The following EML5 variants were observed in gnomAD, a reference collection of about 807,000 sequenced individuals.
EML5 encodes echinoderm microtubule-associated protein-like 5.
EML5 carries 120 observed loss-of-function variants against 250.0 expected under a neutral mutation model. The ratio of observed to expected loss-of-function variants is 0.48; its 90% CI spans 0.41 to 0.56. The LOEUF (loss-of-function observed/expected upper bound fraction) is 0.56. EML5 is among the 20% of genes least tolerant of loss of function. The pLI is 0.00. For synonymous variants in EML5, 771 were observed against 806.5 expected, an observed-to-expected ratio of 0.96 and a Z score of 0.75; for missense variants, 2,006 against 2,437.6, an observed-to-expected ratio of 0.82 and a Z score of 3.73.
rs202053644 is a variant in EML5, at chr14:88,720,280, AT to A, written c.1188-5086del. Among the ~76,000 whole-genome samples the A allele has an allele frequency of 4.6e-5, 7 of 152,324 alleles. No homozygotes were observed. In the East Asian group the frequency reaches 1.4e-3, roughly 29 times the overall value. The stretch of plus-strand genomic sequence containing the variant: ...ATAAGGAGGGACTCCTCCCTAACTC[AT>A]TTTATGAGGCCAGCAACATCTTGAT... On this transcript the variant is annotated intron_variant, in intron 8 of 43. Coordinates refer to ENST00000554922, the MANE Select transcript of EML5 (RefSeq NM_183387.3).
chr14:88,709,104 AT>A (rs1409324601), intron 10 of EML5, among the ~76,000 whole-genome samples: 3 of 151,842 alleles, frequency 2.0e-5, no homozygotes, highest in Non-Finnish European at 2.9e-5. Flanking sequence ...ATGACAAAAG[AT>A]TTTTTTCCAT....
chr14:88,731,403 C>A (rs1041914056), intron 7 of EML5, among the ~76,000 whole-genome samples: 1 of 152,012 alleles, frequency 6.6e-6, no homozygotes, highest in East Asian at 1.9e-4. Flanking sequence ...TGAACTCATC[C>A]TTTTTTATGG....
At chr14:88,781,760 A>G (rs563083338) in intron 1 of EML5, among the ~76,000 whole-genome samples, 2 of 152,336 alleles carry the variant, frequency 1.3e-5, no homozygotes, top group Admixed American at 6.5e-5. Context: ...CCATGTGAAG[A>G]AGGACATGTT....
chr14:88,636,492 C>G (rs1381216796), intron 32 of EML5, among the ~76,000 whole-genome samples: 1 of 152,156 alleles, frequency 6.6e-6, no homozygotes, highest in Non-Finnish European at 1.5e-5. Flanking sequence ...GAAACCCCGT[C>G]TCTACTAAAA....
chr14:88,719,741 T>C (rs566183848), intron 8 of EML5, among the ~76,000 whole-genome samples: 1 of 152,078 alleles, frequency 6.6e-6, no homozygotes, highest in Non-Finnish European at 1.5e-5. Flanking sequence ...GACTTTCCAA[T>C]GCTACTCCCC....
At chr14:88,791,755 C>T (rs1040171398) in intron 1 of EML5, among the ~76,000 whole-genome samples, 1 of 152,122 alleles carries the variant, frequency 6.6e-6, no homozygotes, top group African/African-American at 2.4e-5. Flanking sequence ...CAGTGAATTG[C>T]CTGGAGGTTG....
intron 6 of EML5, 62 bp from the exon 7 acceptor site, chr14:88,736,627 G>A: frequency 6.6e-7 from 1 of 1,521,344 alleles, no homozygotes; most frequent in Non-Finnish European, 9.0e-7. Flanking sequence ...GCAGGAGGCA[G>A]ACAAATCCCT....
intron 8 of EML5, among the ~76,000 whole-genome samples, chr14:88,718,217 A>G (rs1202698262): frequency 6.6e-6 from 1 of 152,198 alleles, no homozygotes; most frequent in Non-Finnish European, 1.5e-5. Context: ...TGAGACATCC[A>G]AGTGATGTTA....
intron 8 of EML5, among the ~76,000 whole-genome samples, chr14:88,721,538 T>C (rs142220225): frequency 0.059 from 8,939 of 152,242 alleles, 706 homozygotes; most frequent in African/African-American, 0.17. Flanking sequence ...ATTCAATAAA[T>C]GGTGCTGGGA....
Position 88,714,961 on chromosome 14 carries a change from T to G in EML5, c.1422A>C (p.Lys474Asn), listed in dbSNP as rs757288475. The change falls in exon 9 of 44, where the codon AAA becomes AAC. Residue 474 changes from lysine to asparagine, a missense_variant. By Grantham distance (94) the Lys-to-Asn change is moderately conservative. Coordinates refer to ENST00000554922, the MANE Select transcript of EML5 (RefSeq NM_183387.3). Reference sequence around the variant, plus strand: ...TACCTGGCATTCTATAAAAAAGTCTTTTCCCATTTCCATCATTTGTCTGCA... The same window carrying G: ...TACCTGGCATTCTATAAAAAAGTCTGTTCCCATTTCCATCATTTGTCTGCA... Reference protein sequence around the residue: ...RYLQTNDGNGKRLFYRMPGGK... With the variant: ...RYLQTNDGNGNRLFYRMPGGK... 9.3e-6 allele frequency: 15 copies of G among 1,612,782 alleles called. No homozygotes were observed. The highest frequency in any genetic ancestry group is 1.3e-5 in the Non-Finnish European group (15 of 1,179,356).
At chr14:88,728,310 C>T (rs2093698348) in intron 7 of EML5, among the ~76,000 whole-genome samples, 1 of 151,636 alleles carries the variant, frequency 6.6e-6, no homozygotes, top group Non-Finnish European at 1.5e-5. Flanking sequence ...GTACAGTTGA[C>T]CCTTGAATAA....
chr14:88,626,327 A>G, intron 35 of EML5: 1 of 154,074 alleles, frequency 6.5e-6, no homozygotes, highest in Non-Finnish European at 1.4e-5. Context: ...AAGGAATCAA[A>G]TGTTCATCAG....
chr14:88,744,457 CACTT>C (rs2093975696), intron 3 of EML5, among the ~76,000 whole-genome samples: 1 of 151,930 alleles, frequency 6.6e-6, no homozygotes, highest in East Asian at 1.9e-4. Flanking sequence ...TGGAACGTGA[CACTT>C]ACACAGCCTA....
At chr14:88,728,999 T>C (rs953949704) in intron 7 of EML5, among the ~76,000 whole-genome samples, 8 of 152,178 alleles carry the variant, frequency 5.3e-5, no homozygotes, top group African/African-American at 1.9e-4. Flanking sequence ...ATGATTTTTG[T>C]ATATTGTTTT....
chr14:88,684,650 A>G (rs1209992017), intron 20 of EML5, among the ~76,000 whole-genome samples: 1 of 152,022 alleles, frequency 6.6e-6, no homozygotes, highest in African/African-American at 2.4e-5. Context: ...ACTGGGTTAA[A>G]TTAATTACAG....
chr14:88,763,177 A>G (rs1014668232), intron 1 of EML5, among the ~76,000 whole-genome samples: 14 of 152,152 alleles, frequency 9.2e-5, no homozygotes, highest in Non-Finnish European at 1.9e-4. Flanking sequence ...ACTGAAGGAG[A>G]CAGAGAAGAA....
intron 1 of EML5, among the ~76,000 whole-genome samples, chr14:88,771,408 C>T (rs1270244602): frequency 6.6e-6 from 1 of 152,202 alleles, no homozygotes; most frequent in Admixed American, 6.5e-5. Flanking sequence ...CGCTTGTGTT[C>T]TAGGTCCCAT....
chr14:88,631,736 C>T (rs745735896), intron 33 of EML5, among the ~76,000 whole-genome samples: 11 of 152,158 alleles, frequency 7.2e-5, no homozygotes, highest in Non-Finnish European at 1.2e-4. Flanking sequence ...TGCCATTGCA[C>T]TCCAGCCTGG....
At chr14:88,679,526 T>C (rs1252576006) in intron 21 of EML5, among the ~76,000 whole-genome samples, 4 of 151,856 alleles carry the variant, frequency 2.6e-5, no homozygotes, top group Non-Finnish European at 1.5e-5. Context: ...ACTCCATCTC[T>C]ACTAAAAATA....
Sources: gnomAD v4.1 joint callset for allele counts (sites outside exome capture counted in the v4.1 genomes callset) on GRCh38, gnomAD v4.1.1 for gene constraint, MANE v1.5 for transcripts, NCBI Gene and HGNC (gene_info 2026-07-23, HGNC 2026-07-21) for gene names.